Variants in ST6GALNAC3 observed in about 807,000 individuals in gnomAD.
ST6GALNAC3 encodes the protein alpha-N-acetylgalactosaminide alpha-2,6-sialyltransferase 3.
In ST6GALNAC3, 25 loss-of-function variants were observed where a neutral mutation model predicts 32.7. That is an observed-to-expected ratio of 0.76 (90% CI 0.56 to 1.07). ST6GALNAC3 has a LOEUF of 1.07. Ranked by LOEUF, ST6GALNAC3 falls within the 50% of genes least tolerant of loss-of-function variation. The pLI, the probability that ST6GALNAC3 is intolerant of heterozygous loss-of-function variation, is 0.00. For missense variants in ST6GALNAC3, 355 were observed against 382.4 expected (o/e 0.93, Z 0.60); for synonymous variants, 129 against 133.1 (o/e 0.97, Z 0.21).
At chr1:76,517,354 A>C (rs868825772) in intron 3 of ST6GALNAC3, among the ~76,000 whole-genome samples, 17 of 151,804 alleles carry the variant, frequency 1.1e-4, no homozygotes, top group African/African-American at 3.6e-4. Flanking sequence ...AGTCAATATG[A>C]CTTTTTAAGT....
intron 2 of ST6GALNAC3, among the ~76,000 whole-genome samples, chr1:76,330,742 T>G (rs1262953005): frequency 6.6e-6 from 1 of 152,192 alleles, no homozygotes; most frequent in Non-Finnish European, 1.5e-5. Context: ...GTCAAGTAAC[T>G]TATTCAAGGT....
At chr1:76,111,570 G>A (rs942966355) in intron 1 of ST6GALNAC3, among the ~76,000 whole-genome samples, 1 of 150,260 alleles carries the variant, frequency 6.7e-6, no homozygotes, top group East Asian at 1.9e-4. Context: ...GTTTTCCTAG[G>A]CAGAGGACCC....
chr1:76,421,192 T>C (rs575182795), intron 3 of ST6GALNAC3, among the ~76,000 whole-genome samples: 15 of 152,076 alleles, frequency 9.9e-5, no homozygotes, highest in Non-Finnish European at 2.2e-4. Flanking sequence ...AAATACTTTT[T>C]TTCAACAAGA....
chr1:76,478,223 A>T (rs1437937807), intron 3 of ST6GALNAC3, among the ~76,000 whole-genome samples: 1 of 152,112 alleles, frequency 6.6e-6, no homozygotes, highest in Non-Finnish European at 1.5e-5. Context: ...CCACATGATG[A>T]TCTTTAAGTT....
intron 2 of ST6GALNAC3, among the ~76,000 whole-genome samples, chr1:76,358,418 A>G (rs924111588): frequency 6.6e-6 from 1 of 152,186 alleles, no homozygotes; most frequent in Non-Finnish European, 1.5e-5. Flanking sequence ...GTATTAAGTC[A>G]AAATTCTGGA....
At chr1:76,127,294 A>T (rs1244563409) in intron 1 of ST6GALNAC3, among the ~76,000 whole-genome samples, 1 of 152,162 alleles carries the variant, frequency 6.6e-6, no homozygotes, top group Non-Finnish European at 1.5e-5. Context: ...GCCCCAAATC[A>T]TTAGTAGCAT....
chr1:76,589,358 C>A (rs973082188), intron 3 of ST6GALNAC3, among the ~76,000 whole-genome samples: 3 of 152,120 alleles, frequency 2.0e-5, no homozygotes, highest in Admixed American at 6.5e-5. Context: ...TTTACCTTCA[C>A]CTTGTGCTTC....
chr1:76,376,648 G>T (rs1159702193), intron 2 of ST6GALNAC3, among the ~76,000 whole-genome samples: 7 of 152,156 alleles, frequency 4.6e-5, no homozygotes, highest in Non-Finnish European at 8.8e-5. Context: ...CTTATGAAGG[G>T]CATGTTGTTG....
intron 1 of ST6GALNAC3, among the ~76,000 whole-genome samples, chr1:76,206,207 A>G (rs942233937): frequency 1.2e-4 from 19 of 152,234 alleles, no homozygotes; most frequent in African/African-American, 4.3e-4. Context: ...GGAACAGCAC[A>G]GAAAATAATG....
In ST6GALNAC3 at chr1:76,527,792, G is replaced by A. The variant is rs1435400468; in HGVS notation, c.624-99660G>A. On this transcript the variant is annotated intron_variant, in intron 3 of 4. Transcript: ENST00000328299. ...ATAGCACTCATGAGTTGGTAAAGTG[G>A]CCATTTAGTTGTGGGACTTCCAAGA... 2.0e-5 allele frequency among the ~76,000 whole-genome samples: 3 copies of A among 152,108 alleles called. No individual in the cohort carries two copies. The East Asian group carries it at 5.8e-4, about 29-fold the overall frequency.
At chr1:76,476,975 G>A (rs1571351691) in intron 3 of ST6GALNAC3, among the ~76,000 whole-genome samples, 1 of 152,096 alleles carries the variant, frequency 6.6e-6, no homozygotes, top group Non-Finnish European at 1.5e-5. Flanking sequence ...TGTGGACCCA[G>A]GAGTGAAATA....
intron 2 of ST6GALNAC3, among the ~76,000 whole-genome samples, chr1:76,362,310 A>G (rs916509876): frequency 1.3e-5 from 2 of 152,124 alleles, no homozygotes; most frequent in African/African-American, 4.8e-5. Flanking sequence ...CCATGGTGCA[A>G]TTACCTCCCA....
At chr1:76,279,695 C>T (rs923153397) in intron 1 of ST6GALNAC3, among the ~76,000 whole-genome samples, 2 of 152,122 alleles carry the variant, frequency 1.3e-5, no homozygotes, top group Non-Finnish European at 2.9e-5. Flanking sequence ...GTAGCCACTT[C>T]GTCAGGAGGG....
intron 3 of ST6GALNAC3, among the ~76,000 whole-genome samples, chr1:76,487,260 T>G (rs1391972125): frequency 6.6e-6 from 1 of 152,220 alleles, no homozygotes; most frequent in Non-Finnish European, 1.5e-5. Context: ...TTCCTGAATT[T>G]GAATGTTGGC....
intron 3 of ST6GALNAC3, among the ~76,000 whole-genome samples, chr1:76,522,278 AG>A (rs1340005255): frequency 1.3e-5 from 2 of 152,044 alleles, no homozygotes; most frequent in Non-Finnish European, 2.9e-5. Flanking sequence ...TGGTTTAAAA[AG>A]TGTTTATTAT....
At chr1:76,346,406 C>T (rs948020278) in intron 2 of ST6GALNAC3, among the ~76,000 whole-genome samples, 3 of 152,056 alleles carry the variant, frequency 2.0e-5, no homozygotes, top group African/African-American at 7.2e-5. Flanking sequence ...GACACCTGTC[C>T]GAAAGGGTAG....
chr1:76,231,233 A>G (rs1313491476), intron 1 of ST6GALNAC3, among the ~76,000 whole-genome samples: 6 of 152,238 alleles, frequency 3.9e-5, no homozygotes, highest in Admixed American at 3.9e-4. Flanking sequence ...AGCTGAGCTA[A>G]CAGATGGCTA....
At chr1:76,321,505 A>C (rs1303663737) in intron 2 of ST6GALNAC3, among the ~76,000 whole-genome samples, 1 of 152,130 alleles carries the variant, frequency 6.6e-6, no homozygotes, top group East Asian at 1.9e-4. Flanking sequence ...AAAAAGTCCT[A>C]GCTGATATAT....
intron 3 of ST6GALNAC3, among the ~76,000 whole-genome samples, chr1:76,489,582 C>T (rs540810700): frequency 6.6e-6 from 1 of 152,260 alleles, no homozygotes; most frequent in South Asian, 2.1e-4. Flanking sequence ...GAAACACAGT[C>T]TCAATTCAGG....
Sources: allele counts gnomAD v4.1 joint callset (sites outside exome capture counted in the v4.1 genomes callset), GRCh38; gene constraint gnomAD v4.1.1; transcripts MANE v1.5; gene names NCBI Gene and HGNC (gene_info 2026-07-23, HGNC 2026-07-21).